Variants in RCOR3 observed in about 807,000 individuals in gnomAD.
RCOR3 encodes REST corepressor 3.
RCOR3 carries 13 observed loss-of-function variants against 64.1 expected under a neutral mutation model. That is an observed-to-expected ratio of 0.20 (90% CI 0.13 to 0.32). The LOEUF (loss-of-function observed/expected upper bound fraction) is 0.32, where lower values mean the gene tolerates loss of function less well. Ranked by LOEUF, RCOR3 falls within the 10% of genes least tolerant of loss-of-function variation. RCOR3 has a pLI of 1.00. For synonymous variants in RCOR3, 215 were observed against 239.0 expected, an observed-to-expected ratio of 0.90 and a Z score of 0.93; for missense variants, 489 against 701.2, an observed-to-expected ratio of 0.70 and a Z score of 3.42.
intron 2 of RCOR3, chr1:211,267,914 G>A (rs1695477242): frequency 5.6e-6 from 2 of 355,630 alleles, no homozygotes; most frequent in East Asian, 1.3e-4. Flanking sequence ...CCTTTTATGG[G>A]GAAAAATTTA....
chr1:211,279,097 G>T (rs1697409267), intron 6 of RCOR3, 141 bp from the exon 7 acceptor site: 2 of 508,176 alleles, frequency 3.9e-6, no homozygotes, highest in South Asian at 2.6e-5. Flanking sequence ...TGAGGTGAGA[G>T]AATCGCTTGA....
At chr1:211,279,419 T>C in intron 7 of RCOR3, 103 bp downstream of exon 7, 2 of 760,072 alleles carry the variant, frequency 2.6e-6, no homozygotes, top group East Asian at 2.7e-5. Context: ...TAATGCTTTA[T>C]GAGATAGTAA....
Position 211,271,642 on chromosome 1 carries a change from G to T in RCOR3, c.301+333G>T, listed in dbSNP as rs185664074. The T allele has an allele frequency of 2.4e-3, 1,036 of 437,172 alleles. 3 individuals carry two copies. Among genetic ancestry groups the T allele is most frequent in the Non-Finnish European group, 3.1e-3 (687 of 222,412 alleles). The allele number at this position is 437,172 out of a possible 1,614,324, so 27.1% of individuals were successfully genotyped here. On this transcript the variant is annotated intron_variant, in intron 3 of 11. Coordinates refer to ENST00000419091, the MANE Select transcript of RCOR3 (RefSeq NM_001136223.3). ...CAGGCTTTTCCTCAGTATATGGAGCGGTAAAGACATGCCTTCAAACTTCAA... is the reference window on the plus strand; with the variant it reads ...CAGGCTTTTCCTCAGTATATGGAGCTGTAAAGACATGCCTTCAAACTTCAA...
intron 8 of RCOR3, among the ~76,000 whole-genome samples, chr1:211,289,775 TTCA>T (rs138528802): frequency 6.6e-6 from 1 of 152,058 alleles, no homozygotes; most frequent in East Asian, 1.9e-4. Context: ...GGTTGTTGTC[TTCA>T]TCATCATCAT....
intron 9 of RCOR3, among the ~76,000 whole-genome samples, chr1:211,298,967 A>G (rs1389898600): frequency 6.6e-6 from 1 of 151,988 alleles, no homozygotes; most frequent in Non-Finnish European, 1.5e-5. Flanking sequence ...AGATCGCGCC[A>G]CTGCACTCCA....
chr1:211,280,614 A>C (rs1017437489), intron 7 of RCOR3, among the ~76,000 whole-genome samples: 1 of 151,998 alleles, frequency 6.6e-6, no homozygotes, highest in African/African-American at 2.4e-5. Flanking sequence ...CTCTTTCTCC[A>C]CCAGTTATCC....
chr1:211,259,910 A>T, intron 1 of RCOR3, 184 bp downstream of exon 1: 4 of 439,674 alleles, frequency 9.1e-6, no homozygotes, highest in Non-Finnish European at 1.3e-5. Context: ...GCCCTCGACC[A>T]ATCCTCCGCC....
chr1:211,266,372 TTTTCC>T (rs1413353127), intron 2 of RCOR3, among the ~76,000 whole-genome samples: 2 of 152,176 alleles, frequency 1.3e-5, no homozygotes, highest in Admixed American at 6.5e-5. Context: ...TCGAATTATA[TTTTCC>T]TTTCCTAGTT....
intron 2 of RCOR3, chr1:211,260,859 C>T (rs1694135207): frequency 6.6e-6 from 1 of 152,356 alleles, no homozygotes; most frequent in African/African-American, 2.4e-5. Flanking sequence ...ATTTTCTCCC[C>T]GACCAGCCAG....
intron 3 of RCOR3, chr1:211,271,945 AACG>A: frequency 6.3e-6 from 1 of 159,722 alleles, no homozygotes; most frequent in Non-Finnish European, 1.4e-5. Flanking sequence ...CAACAACAAC[AACG>A]ACACTGAACA....
intron 6 of RCOR3, 49 bp downstream of exon 6, chr1:211,278,290 T>C (rs1422974193): frequency 1.3e-6 from 2 of 1,584,896 alleles, no homozygotes; most frequent in African/African-American, 2.7e-5. Flanking sequence ...CACTGCATTG[T>C]ATTGCTTACA....
chr1:211,296,772 A>C (rs1699898870), intron 9 of RCOR3, among the ~76,000 whole-genome samples: 1 of 152,150 alleles, frequency 6.6e-6, no homozygotes, highest in Admixed American at 6.5e-5. Flanking sequence ...CAAACATTCT[A>C]GTAACAATTA....
intron 10 of RCOR3, among the ~76,000 whole-genome samples, chr1:211,308,234 C>G (rs942494535): frequency 5.9e-5 from 9 of 152,150 alleles, no homozygotes; most frequent in Admixed American, 3.3e-4. Context: ...CTCTGATACA[C>G]TTACATTAAA....
At chr1:211,292,550 T>G (rs1558088187) in intron 8 of RCOR3, among the ~76,000 whole-genome samples, 1 of 152,230 alleles carries the variant, frequency 6.6e-6, no homozygotes, top group Non-Finnish European at 1.5e-5. Context: ...GGTTATTCAT[T>G]TGATGTGTGA....
intron 3 of RCOR3, chr1:211,271,876 T>G (rs1358142470): frequency 5.9e-6 from 1 of 170,012 alleles, no homozygotes; most frequent in African/African-American, 2.4e-5. Flanking sequence ...AACGTGCAGG[T>G]AACAACACTA....
intron 10 of RCOR3, among the ~76,000 whole-genome samples, chr1:211,311,564 G>A (rs1020443698): frequency 1.2e-4 from 19 of 152,136 alleles, no homozygotes; most frequent in Admixed American, 1.2e-3. Context: ...CATATTAATT[G>A]GTATTGGTAA....
chr1:211,302,204 T>C lies in RCOR3; in HGVS notation c.1018-1879T>C, dbSNP rs1700449049. ...GTTATCTGTCCCATTCACTACATCA[T>C]TATCCTTCTCTGTCACTCTCTTGCT... On this transcript the variant is annotated intron_variant, in intron 9 of 11. Coordinates refer to ENST00000419091, the MANE Select transcript of RCOR3 (RefSeq NM_001136223.3). 2 of 152,244 alleles carry C rather than the reference T, an allele frequency of 1.3e-5. 1 individual carries two copies. Among genetic ancestry groups the C allele is most frequent in the Admixed American group, 1.3e-4 (2 of 15,282 alleles). The allele number at this position is 152,244 out of a possible 1,614,324, so 9.4% of individuals were successfully genotyped here.
At position 211,312,839 on chromosome 1, in the gene RCOR3, T is replaced by TTC; in HGVS notation, c.1196_1197insCT (p.Leu399PhefsTer21). ...GCGTCGGTTTAACTTAGAGGAGGTATTGCAGGAGTGGGAAGCAGAACAAGG... is the reference window on the plus strand; with the variant it reads ...GCGTCGGTTTAACTTAGAGGAGGTATTCTGCAGGAGTGGGAAGCAGAACAAGG... On this transcript the variant is annotated frameshift_variant, in exon 11 of 12. Transcript: ENST00000419091. LOFTEE classifies it high-confidence loss of function. This position sits in a 1 kb window ranked among gnomAD's most constrained non-coding sequence, Gnocchi z 5.0. 2 of 1,614,184 alleles carry TTC rather than the reference T, an allele frequency of 1.2e-6. No homozygotes were observed. The highest frequency in any genetic ancestry group is 1.7e-6 in the Non-Finnish European group (2 of 1,180,020).
At chr1:211,282,524 G>T in intron 7 of RCOR3, among the ~76,000 whole-genome samples, 1 of 148,178 alleles carries the variant, frequency 6.7e-6, no homozygotes, top group East Asian at 2.0e-4. Context: ...TTTTTTGAGA[G>T]GGAGTCTCAC....
Sources: gnomAD v4.1 joint callset for allele counts (sites outside exome capture counted in the v4.1 genomes callset) on GRCh38, gnomAD v4.1.1 for gene constraint, Gnocchi (gnomAD v3.1) non-coding constraint, MANE v1.5 for transcripts, NCBI Gene and HGNC (gene_info 2026-07-23, HGNC 2026-07-21) for gene names.